PHTF2: variants seen among roughly 807,000 people sequenced by gnomAD.
The protein encoded by PHTF2 is putative homeodomain transcription factor 2, also known as protein PHTF2.
In PHTF2, 60 loss-of-function variants were observed where a neutral mutation model predicts 101.2. The observed-to-expected ratio is 0.59, with a 90% CI of 0.48 to 0.73. The LOEUF is 0.73. Among genes scored for constraint, PHTF2 ranks in the 30% least tolerant of loss-of-function variants. The pLI is 0.00. For synonymous variants in PHTF2, 311 were observed against 307.3 expected (o/e 1.01, Z -0.13); for missense variants, 747 against 908.7 (o/e 0.82, Z 2.29).
chr7:77,943,953 G>A (rs1321874283), intron 16 of PHTF2, among the ~76,000 whole-genome samples: 1 of 152,068 alleles, frequency 6.6e-6, no homozygotes, highest in Non-Finnish European at 1.5e-5. Context: ...AGAAGGCGGA[G>A]ATTGCACCAC....
At chr7:77,879,330 G>C (rs62462686) in intron 3 of PHTF2, among the ~76,000 whole-genome samples, 32,995 of 151,976 alleles carry the variant, frequency 0.22, 4,064 homozygotes, top group South Asian at 0.3. Context: ...GGAGGAGTCA[G>C]ATGAGATGGT....
At chr7:77,897,562 A>G (rs1203718731) in intron 5 of PHTF2, among the ~76,000 whole-genome samples, 1 of 151,924 alleles carries the variant, frequency 6.6e-6, no homozygotes, top group Non-Finnish European at 1.5e-5. Context: ...TTATTTGTTC[A>G]TTTAAACTGT....
chr7:77,944,392 C>G (rs926510085), intron 16 of PHTF2, among the ~76,000 whole-genome samples: 1 of 152,210 alleles, frequency 6.6e-6, no homozygotes, highest in Non-Finnish European at 1.5e-5. Flanking sequence ...TTATCTGACT[C>G]TGGATGACAA....
chr7:77,854,034 T>C (rs1426006500), intron 2 of PHTF2, among the ~76,000 whole-genome samples: 1 of 152,124 alleles, frequency 6.6e-6, no homozygotes, highest in East Asian at 1.9e-4. Context: ...AAGAGTTAGG[T>C]ATTTATTGTA....
chr7:77,925,570 C>T (rs377117912), intron 11 of PHTF2, among the ~76,000 whole-genome samples: 169 of 132,684 alleles, frequency 1.3e-3, no homozygotes, highest in Non-Finnish European at 1.8e-3. Context: ...AGTGCAGTGG[C>T]GCCATCTCGG....
intron 1 of PHTF2, among the ~76,000 whole-genome samples, chr7:77,830,234 A>G (rs925257187): frequency 4.6e-5 from 7 of 152,212 alleles, no homozygotes; most frequent in Non-Finnish European, 8.8e-5. Context: ...TGAGGGTTAT[A>G]TTCCAAGATC....
intron 12 of PHTF2, among the ~76,000 whole-genome samples, chr7:77,933,377 C>A (rs1804786866): frequency 6.6e-6 from 1 of 152,248 alleles, no homozygotes; most frequent in Non-Finnish European, 1.5e-5. Context: ...CAGGAAGGGA[C>A]TGATAAATTT....
At position 77,949,914 on chromosome 7, in the gene PHTF2, G is replaced by A. The variant is rs73703845; in HGVS notation, c.2115+81G>A. The A allele has an allele frequency of 1.8e-3, 1,398 of 782,630 alleles. 5 individuals are homozygous for A. In the African/African-American group the frequency reaches 0.019, roughly 11 times the overall value. 48.5% of individuals were successfully genotyped at this position (782,630 alleles called of 1,614,324 possible). ...CATTTCCTTTATGTTTTTCAAGAATGTGTTCTATTTGATTAAGGTCATTTG... is the reference window on the plus strand; with the variant it reads ...CATTTCCTTTATGTTTTTCAAGAATATGTTCTATTTGATTAAGGTCATTTG... On this transcript the variant is annotated intron_variant, in intron 17 of 19. Transcript: ENST00000416283.
intron 2 of PHTF2, among the ~76,000 whole-genome samples, chr7:77,845,328 A>G (rs544039192): frequency 2.0e-5 from 3 of 152,338 alleles, no homozygotes; most frequent in Admixed American, 2.0e-4. Flanking sequence ...CCCCAAATTT[A>G]AAAGGGAAAA....
intron 2 of PHTF2, among the ~76,000 whole-genome samples, chr7:77,854,532 C>T (rs1364335575): frequency 1.3e-5 from 2 of 152,104 alleles, no homozygotes; most frequent in Non-Finnish European, 1.5e-5. Flanking sequence ...TCCTTCCCTC[C>T]AGAGCATCAA....
chr7:77,932,578 GAAA>G, intron 12 of PHTF2, among the ~76,000 whole-genome samples: 3 of 132,654 alleles, frequency 2.3e-5, no homozygotes, highest in Non-Finnish European at 5.0e-5. Flanking sequence ...GGGAGAGAGA[GAAA>G]GAGGAAGAGA....
At chr7:77,913,580 G>A (rs1476440613) in intron 9 of PHTF2, among the ~76,000 whole-genome samples, 2 of 151,852 alleles carry the variant, frequency 1.3e-5, no homozygotes, top group Non-Finnish European at 2.9e-5. Flanking sequence ...TTTCTTTCAT[G>A]TCCTCTAAGA....
intron 9 of PHTF2, among the ~76,000 whole-genome samples, chr7:77,918,184 C>A (rs1803107112): frequency 6.6e-6 from 1 of 152,106 alleles, no homozygotes; most frequent in Non-Finnish European, 1.5e-5. Context: ...ACTCAAAGAC[C>A]CTTTTACTGG....
intron 9 of PHTF2, among the ~76,000 whole-genome samples, chr7:77,911,095 G>A (rs1802348647): frequency 1.3e-5 from 2 of 152,026 alleles, no homozygotes; most frequent in Middle Eastern, 3.4e-3. Flanking sequence ...AAACATATAG[G>A]CATTGTTACT....
intron 3 of PHTF2, among the ~76,000 whole-genome samples, chr7:77,891,590 G>GTTGTTGTTT (rs1222786433): frequency 6.6e-6 from 1 of 151,706 alleles, no homozygotes. Context: ...TTTTGTTGTT[G>GTTGTTGTTT]TTGTTTGTTT....
Position 77,908,780 on chromosome 7 carries a change from T to C in PHTF2, c.446-13T>C, listed in dbSNP as rs2150861616. 2.6e-6 allele frequency: 4 copies of C among 1,517,582 alleles called. No individual in the cohort carries two copies. Among genetic ancestry groups the C allele is most frequent in the Non-Finnish European group, 1.8e-6 (2 of 1,119,268 alleles). 94.0% of individuals were successfully genotyped at this position (1,517,582 alleles called of 1,614,324 possible). A position where few individuals can be genotyped will look rare whatever the true frequency, so the allele number is the denominator to read the frequency against. On this transcript the variant is annotated splice_polypyrimidine_tract_variant and intron_variant, in intron 7 of 19. Transcript: ENST00000416283. Reference sequence around the variant, plus strand: ...GATCTATAATTAAGCATATTTTCTTTCCCTTTTTATAGTTGCTGCAATAGT... The same window carrying C: ...GATCTATAATTAAGCATATTTTCTTCCCCTTTTTATAGTTGCTGCAATAGT...
chr7:77,951,770 A>T, intron 18 of PHTF2, 58 bp downstream of exon 17: 2 of 751,654 alleles, frequency 2.7e-6, no homozygotes, highest in Non-Finnish European at 4.3e-6. Flanking sequence ...ACATAATTTT[A>T]TTTTTTTGTT....
At chr7:77,939,742 A>C (rs1309996840) in intron 13 of PHTF2, among the ~76,000 whole-genome samples, 1 of 152,170 alleles carries the variant, frequency 6.6e-6, no homozygotes, top group Non-Finnish European at 1.5e-5. Flanking sequence ...GTATTTATGA[A>C]TATTTCTAAC....
intron 9 of PHTF2, among the ~76,000 whole-genome samples, chr7:77,918,582 A>T (rs539614538): frequency 8.8e-4 from 134 of 152,288 alleles, no homozygotes; most frequent in African/African-American, 3.1e-3. Context: ...CTTTTTCCAC[A>T]TCTGCAGGTT....
Sources: allele counts gnomAD v4.1 joint callset (sites outside exome capture counted in the v4.1 genomes callset), GRCh38; gene constraint gnomAD v4.1.1; transcripts MANE v1.5; gene names NCBI Gene and HGNC (gene_info 2026-07-23, HGNC 2026-07-21).